The following VWDE variants were observed in gnomAD, a reference collection of about 807,000 sequenced individuals.
VWDE encodes the protein von Willebrand factor D and EGF domains, also known as von Willebrand factor D and EGF domain-containing protein.
VWDE carries 207 observed loss-of-function variants against 178.4 expected under a neutral mutation model. The observed-to-expected ratio is 1.16, with a 90% CI of 1.04 to 1.30. VWDE has a LOEUF of 1.30. VWDE is among the 50% of genes most tolerant of loss of function. The probability of loss-of-function intolerance (pLI) is 0.00; values close to 1 mark genes in which losing one functional copy is unlikely to be tolerated. For missense variants in VWDE, 2,287 were observed against 1,901.3 expected, an observed-to-expected ratio of 1.20 and a Z score of -3.77; for synonymous variants, 738 against 651.4, an observed-to-expected ratio of 1.13 and a Z score of -2.02.
chr7:12,335,664 C>T (rs1780979307), intron 27 of VWDE, among the ~76,000 whole-genome samples: 1 of 152,114 alleles, frequency 6.6e-6, no homozygotes, highest in South Asian at 2.1e-4. Context: ...ACCGTGTTAG[C>T]CAGGATGGTC....
At chr7:12,356,717 A>G (rs1192805835) in intron 17 of VWDE, among the ~76,000 whole-genome samples, 3 of 152,212 alleles carry the variant, frequency 2.0e-5, no homozygotes, top group Non-Finnish European at 4.4e-5. Flanking sequence ...ATGGCATAGA[A>G]CGCAGCTGCT....
At chr7:12,392,649 TC>T (rs1453127240) in intron 2 of VWDE, among the ~76,000 whole-genome samples, 1 of 152,174 alleles carries the variant, frequency 6.6e-6, no homozygotes, top group Non-Finnish European at 1.5e-5. Flanking sequence ...TTATGTTTTT[TC>T]TTCTGCTTAT....
chr7:12,348,157 G>C (rs1781716752), intron 19 of VWDE, among the ~76,000 whole-genome samples: 1 of 149,588 alleles, frequency 6.7e-6, no homozygotes, highest in African/African-American at 2.5e-5. Context: ...TCAGGACACA[G>C]GCATGGGCAA....
intron 8 of VWDE, 113 bp from the exon 9 acceptor site, chr7:12,374,875 G>T: frequency 8.7e-7 from 1 of 1,153,628 alleles, no homozygotes; most frequent in South Asian, 1.7e-5. Context: ...TTTTATCATA[G>T]TTATTGAAAA....
At position 12,393,877 on chromosome 7, in the gene VWDE, A is replaced by C. The variant is rs1784508409; in HGVS notation, c.59-99T>G. 2.8e-6 allele frequency: 3 copies of C among 1,068,706 alleles called. No homozygotes were observed. The Admixed American group carries it at 8.9e-5, about 32-fold the overall frequency. 66.2% of individuals were successfully genotyped at this position (1,068,706 alleles called of 1,614,324 possible). A position where few individuals can be genotyped will look rare whatever the true frequency, so the allele number is the denominator to read the frequency against. ...GATTCCCAAAACAAAAAATAAAGCA[A>C]ATAAACTCACTATTGCACATAAAGA... On this transcript the variant is annotated intron_variant, in intron 1 of 28. Transcript: ENST00000275358.
rs1463344038 is a variant in VWDE, at chr7:12,356,176, C to A, written c.3680G>T (p.Cys1227Phe). 5 of 1,551,484 alleles carry A rather than the reference C, an allele frequency of 3.2e-6. No homozygotes were observed. The highest frequency in any genetic ancestry group is 1.7e-6 in the Non-Finnish European group (2 of 1,146,948). ...VDISGCQSNP[C>F]GLGSYISGFH... ...ACCACTAATATAGCTGCCAAGACCA[C>A]AAGGGTTGGATTGGCACCCACTAAT... Residue 1227 changes from cysteine to phenylalanine, a missense_variant, in exon 18 of 29, where the codon TGT (cysteine) becomes TTT (phenylalanine). Cys to Phe is a radical substitution (Grantham distance 205). Coordinates refer to ENST00000275358, the MANE Select transcript of VWDE (RefSeq NM_001135924.3).
At chr7:12,396,572 T>C (rs1784635857) in intron 1 of VWDE, among the ~76,000 whole-genome samples, 1 of 152,166 alleles carries the variant, frequency 6.6e-6, no homozygotes, top group South Asian at 2.1e-4. Context: ...ACATTCAAAA[T>C]AGAATTTTGT....
Position 12,332,795 on chromosome 7 carries a change from A to G in VWDE, c.4758+670T>C, listed in dbSNP as rs74769068. Among the ~76,000 whole-genome samples, 454 of 152,292 alleles carry G rather than the reference A, an allele frequency of 3.0e-3. 3 individuals are homozygous for G. Among genetic ancestry groups the G allele is most frequent in the African/African-American group, 0.01 (417 of 41,580 alleles). On this transcript the variant is annotated intron_variant, in intron 28 of 28. Transcript: ENST00000275358. ...TTGTCTCCAAGCCAAATTGATCCATATCAAGCTTCAAGAAGAAAATTTCTA... is the reference window on the plus strand; with the variant it reads ...TTGTCTCCAAGCCAAATTGATCCATGTCAAGCTTCAAGAAGAAAATTTCTA...
chr7:12,386,792 CAATTGCAATTTAT>C (rs1784119329), intron 3 of VWDE, among the ~76,000 whole-genome samples: 1 of 152,156 alleles, frequency 6.6e-6, no homozygotes, highest in South Asian at 2.1e-4. Context: ...TTTCATTCAT[CAATTGCAATTTAT>C]AATTGCATGA....
At chr7:12,384,433 T>C (rs1023560546) in intron 3 of VWDE, among the ~76,000 whole-genome samples, 3 of 152,084 alleles carry the variant, frequency 2.0e-5, no homozygotes, top group African/African-American at 7.2e-5. Flanking sequence ...ATACACGTTA[T>C]GAGAAATTTG....
chr7:12,338,311 T>C (rs76732736), intron 24 of VWDE, among the ~76,000 whole-genome samples: 29 of 152,060 alleles, frequency 1.9e-4, no homozygotes, highest in African/African-American at 6.7e-4. Flanking sequence ...TTCTCTGACA[T>C]TTTATTGATA....
intron 19 of VWDE, among the ~76,000 whole-genome samples, chr7:12,346,574 C>T (rs59729608): frequency 0.017 from 2,638 of 151,096 alleles, 73 homozygotes; most frequent in African/African-American, 0.061. Flanking sequence ...TCTTTCTTGA[C>T]TGCTCAGCTA....
intron 24 of VWDE, among the ~76,000 whole-genome samples, chr7:12,337,731 C>A (rs903937812): frequency 6.6e-6 from 1 of 152,122 alleles, no homozygotes; most frequent in Non-Finnish European, 1.5e-5. Flanking sequence ...GAAGGCACAG[C>A]TTTATATGTG....
In VWDE at chr7:12,375,199, T is replaced by G. The variant is rs1160456176; in HGVS notation, c.1053A>C (p.Ala351=). 6.4e-7 allele frequency: 1 copy of G among 1,551,034 alleles called. No individual in the cohort carries two copies. The highest frequency in any genetic ancestry group is 8.7e-7 in the Non-Finnish European group (1 of 1,146,516). ...QGREHLGLNL[A]LSSCHVDLLQ... ...GAAGGTCCACATGACAGGAAGACAG[T>G]GCCAAATTTAAGCCTAGGTGCTCTC... Residue 351 remains alanine (A), a synonymous_variant, in exon 8 of 29, where the codon GCA becomes GCC. Transcript: ENST00000275358.
intron 3 of VWDE, among the ~76,000 whole-genome samples, chr7:12,383,978 A>T (rs767140132): frequency 1.1e-4 from 17 of 152,286 alleles, no homozygotes; most frequent in South Asian, 2.1e-4. Context: ...CTCTTAGCAT[A>T]TGACATAGAA....
At chr7:12,382,854 A>T (rs1250088221) in intron 4 of VWDE, among the ~76,000 whole-genome samples, 1 of 151,924 alleles carries the variant, frequency 6.6e-6, no homozygotes, top group Non-Finnish European at 1.5e-5. Context: ...TTTAAGGCAT[A>T]TTATAGTAGG....
intron 17 of VWDE, 141 bp from the exon 18 acceptor site, chr7:12,356,471 C>G (rs1389589645): frequency 1.8e-5 from 11 of 596,298 alleles, no homozygotes; most frequent in East Asian, 3.0e-5. Context: ...CACACACACA[C>G]AAATGTAATA....
At chr7:12,379,991 A>G (rs1051640132) in intron 5 of VWDE, among the ~76,000 whole-genome samples, 1 of 151,672 alleles carries the variant, frequency 6.6e-6, no homozygotes, top group Non-Finnish European at 1.5e-5. Context: ...CCAGCTACTC[A>G]GGAGGCTGAG....
Position 12,337,009 on chromosome 7 carries a change from T to C in VWDE, c.4537A>G (p.Ser1513Gly), listed in dbSNP as rs2128544885. 1.9e-6 allele frequency: 3 copies of C among 1,551,426 alleles called. No homozygotes were observed. Among genetic ancestry groups the C allele is most frequent in the African/African-American group, 2.7e-5 (2 of 73,160 alleles). Residue 1513 changes from serine (S) to glycine (G), a missense_variant, in exon 26 of 29, where the codon AGT becomes GGT. Coordinates refer to ENST00000275358, the MANE Select transcript of VWDE (RefSeq NM_001135924.3). ...PSTCSCPSGW[S>G]GKRCNTPICL... Reference sequence around the variant, plus strand: ...TTACGTGTGTTGCATCGTTTCCCACTCCAACCAGAAGGACAAGAGCAAGTG... The same window carrying C: ...TTACGTGTGTTGCATCGTTTCCCACCCCAACCAGAAGGACAAGAGCAAGTG...
Sources: gnomAD v4.1 joint callset for allele counts (sites outside exome capture counted in the v4.1 genomes callset) on GRCh38, gnomAD v4.1.1 for gene constraint, MANE v1.5 for transcripts, NCBI Gene and HGNC (gene_info 2026-07-23, HGNC 2026-07-21) for gene names.